Variants in ARHGAP42 observed in about 807,000 individuals in gnomAD.
ARHGAP42 encodes the protein Rho GTPase activating protein 42, also known as rho GTPase-activating protein 42.
A neutral mutation model predicts 125.0 loss-of-function variants in ARHGAP42; 63 were observed. That is an observed-to-expected ratio of 0.50 (90% CI 0.41 to 0.62). The LOEUF is 0.62. Ranked by LOEUF, ARHGAP42 falls within the 20% of genes least tolerant of loss-of-function variation. ARHGAP42 has a pLI of 0.00. For synonymous variants in ARHGAP42, 339 were observed against 351.0 expected (o/e 0.97, Z 0.38); for missense variants, 766 against 1,024.2 (o/e 0.75, Z 3.44).
chr11:100,836,418 A>C (rs1334415449), intron 3 of ARHGAP42, among the ~76,000 whole-genome samples: 1 of 152,128 alleles, frequency 6.6e-6, no homozygotes, highest in Non-Finnish European at 1.5e-5. Context: ...TTGCTAGATG[A>C]AATGTCAATT....
chr11:100,918,539 T>A (rs1374066283), intron 5 of ARHGAP42, among the ~76,000 whole-genome samples: 1 of 152,238 alleles, frequency 6.6e-6, no homozygotes, highest in Non-Finnish European at 1.5e-5. Flanking sequence ...TGATGAATCC[T>A]AGTGTTACTC....
At chr11:100,749,319 C>A (rs1862384476) in intron 1 of ARHGAP42, among the ~76,000 whole-genome samples, 1 of 151,808 alleles carries the variant, frequency 6.6e-6, no homozygotes, top group African/African-American at 2.4e-5. Context: ...GAAGCCTCAA[C>A]CCCTCAAACC....
At chr11:100,709,642 C>T (rs553289584) in intron 1 of ARHGAP42, among the ~76,000 whole-genome samples, 4 of 152,268 alleles carry the variant, frequency 2.6e-5, no homozygotes. Flanking sequence ...ATTTATACCA[C>T]TATATGGAAT....
intron 3 of ARHGAP42, among the ~76,000 whole-genome samples, chr11:100,854,007 T>C (rs1159007209): frequency 6.6e-6 from 1 of 152,058 alleles, no homozygotes; most frequent in Non-Finnish European, 1.5e-5. Flanking sequence ...TTATGATCAT[T>C]AGACATAAAG....
intron 17 of ARHGAP42, among the ~76,000 whole-genome samples, chr11:100,969,388 T>C (rs574518354): frequency 6.6e-6 from 1 of 152,090 alleles, no homozygotes; most frequent in Non-Finnish European, 1.5e-5. Context: ...GATATATAGA[T>C]TAATGTTTTA....
intron 10 of ARHGAP42, among the ~76,000 whole-genome samples, chr11:100,945,333 C>CA (rs1006014687): frequency 1.5e-4 from 5 of 32,612 alleles, no homozygotes; most frequent in African/African-American, 6.2e-4. Flanking sequence ...GAGTTGGAAT[C>CA]AATTCTTTCA....
chr11:100,980,832 A>G (rs1371869474), intron 22 of ARHGAP42, among the ~76,000 whole-genome samples: 2 of 151,932 alleles, frequency 1.3e-5, no homozygotes, highest in East Asian at 1.9e-4. Context: ...CAGCCTCCCA[A>G]AGTGCTGGGA....
chr11:100,894,074 G>A (rs1591274174), intron 4 of ARHGAP42, among the ~76,000 whole-genome samples: 1 of 152,090 alleles, frequency 6.6e-6, no homozygotes, highest in Non-Finnish European at 1.5e-5. Context: ...TTAAGAGTGA[G>A]GATTTTGAAT....
chr11:100,689,303 A>G (rs1465027385), intron 1 of ARHGAP42, among the ~76,000 whole-genome samples: 2 of 152,210 alleles, frequency 1.3e-5, no homozygotes, highest in African/African-American at 2.4e-5. Flanking sequence ...AATCCTGGTT[A>G]AAGTCTCGCG....
intron 10 of ARHGAP42, among the ~76,000 whole-genome samples, chr11:100,944,841 T>C (rs1867975939): frequency 6.6e-6 from 1 of 152,078 alleles, no homozygotes; most frequent in Non-Finnish European, 1.5e-5. Context: ...TGTTGGTAGC[T>C]GCTAACTGAT....
chr11:100,892,104 C>T (rs909102275), intron 4 of ARHGAP42, among the ~76,000 whole-genome samples: 52 of 152,266 alleles, frequency 3.4e-4, no homozygotes, highest in African/African-American at 1.2e-3. Context: ...TTACGGAAAG[C>T]CTTGCTTGCC....
intron 1 of ARHGAP42, among the ~76,000 whole-genome samples, chr11:100,692,848 C>A (rs17095340): frequency 0.08 from 12,158 of 152,208 alleles, 853 homozygotes; most frequent in East Asian, 0.22. Context: ...GTGCAAATAA[C>A]AGGTGGAAAC....
intron 12 of ARHGAP42, among the ~76,000 whole-genome samples, chr11:100,957,793 A>C (rs1184159984): frequency 6.6e-6 from 1 of 152,098 alleles, no homozygotes; most frequent in Non-Finnish European, 1.5e-5. Context: ...AGCTTGTGAT[A>C]TCAGTTTATT....
intron 1 of ARHGAP42, among the ~76,000 whole-genome samples, chr11:100,715,932 A>C (rs1470414892): frequency 6.6e-6 from 1 of 152,242 alleles, no homozygotes; most frequent in African/African-American, 2.4e-5. Flanking sequence ...GAGGAACTGC[A>C]GTCAGCGTGT....
intron 3 of ARHGAP42, among the ~76,000 whole-genome samples, chr11:100,824,105 G>A (rs650867): frequency 0.79 from 120,355 of 152,128 alleles, 47,676 homozygotes; most frequent in South Asian, 0.83. Context: ...TGCTTTTGCA[G>A]ATTAAGTATA....
Position 100,992,404 on chromosome 11 carries a change from C to G in ARHGAP42, c.*3603C>G. The G allele has an allele frequency of 6.2e-7, 1 of 1,614,086 alleles. No individual in the cohort carries two copies. Among genetic ancestry groups the G allele is most frequent in the South Asian group, 1.1e-5 (1 of 91,082 alleles). ...TTGACTATTGTCCAGAAGTTACTTTCCCCTTGACTAAAGGTTTCCCCTTAG... is the reference window on the plus strand; with the variant it reads ...TTGACTATTGTCCAGAAGTTACTTTGCCCTTGACTAAAGGTTTCCCCTTAG... On this transcript the variant is annotated 3_prime_UTR_variant, in exon 24 of 24. Coordinates refer to ENST00000298815, the MANE Select transcript of ARHGAP42 (RefSeq NM_152432.4).
At chr11:100,740,249 A>G (rs1399769381) in intron 1 of ARHGAP42, among the ~76,000 whole-genome samples, 2 of 151,224 alleles carry the variant, frequency 1.3e-5, no homozygotes, top group African/African-American at 4.9e-5. Context: ...TGGTCATGCT[A>G]TGGCCTCTCC....
chr11:100,820,689 T>C (rs1388523178), intron 3 of ARHGAP42, among the ~76,000 whole-genome samples: 1 of 152,164 alleles, frequency 6.6e-6, no homozygotes, highest in Non-Finnish European at 1.5e-5. Context: ...TCTGTGTATT[T>C]ATACCTCTCT....
At chr11:100,889,547 T>A (rs1866170834) in intron 4 of ARHGAP42, among the ~76,000 whole-genome samples, 1 of 152,156 alleles carries the variant, frequency 6.6e-6, no homozygotes. Context: ...AATTACCTAA[T>A]CTGTGGTACT....
Sources: allele counts gnomAD v4.1 joint callset (sites outside exome capture counted in the v4.1 genomes callset), GRCh38; gene constraint gnomAD v4.1.1; transcripts MANE v1.5; gene names NCBI Gene and HGNC (gene_info 2026-07-23, HGNC 2026-07-21).